Variants in WWOX observed in about 807,000 individuals in gnomAD.
The protein encoded by WWOX is WW domain-containing oxidoreductase.
In WWOX, 69 loss-of-function variants were observed where a neutral mutation model predicts 46.2. That is an observed-to-expected ratio of 1.49 (90% CI 1.23 to 1.82). WWOX has a LOEUF of 1.82. Among genes scored for constraint, WWOX ranks in the 40% most tolerant of loss-of-function variants. The pLI is 0.00. For synonymous variants in WWOX, 359 were observed against 202.6 expected (o/e 1.77, Z -6.56); for missense variants, 919 against 542.6 (o/e 1.69, Z -6.89).
intron 8 of WWOX, among the ~76,000 whole-genome samples, chr16:79,172,534 C>T (rs1296777974): frequency 2.0e-5 from 3 of 152,110 alleles, no homozygotes; most frequent in African/African-American, 7.2e-5. Flanking sequence ...CACTGAGTGG[C>T]TGCATGAATT....
At chr16:78,143,947 A>G (rs2151710438) in intron 4 of WWOX, among the ~76,000 whole-genome samples, 1 of 152,234 alleles carries the variant, frequency 6.6e-6, no homozygotes, top group East Asian at 1.9e-4. Flanking sequence ...TTTAAAAAAA[A>G]ATCAACTTTT....
At chr16:78,999,673 T>A (rs959100266) in intron 8 of WWOX, among the ~76,000 whole-genome samples, 1 of 152,076 alleles carries the variant, frequency 6.6e-6, no homozygotes, top group African/African-American at 2.4e-5. Context: ...GAGTGATTGG[T>A]GATAAAAATG....
intron 8 of WWOX, among the ~76,000 whole-genome samples, chr16:78,488,022 G>A (rs1274207102): frequency 6.6e-6 from 1 of 152,152 alleles, no homozygotes; most frequent in Non-Finnish European, 1.5e-5. Context: ...TCTAAAATAA[G>A]TGGAACTGGG....
At chr16:79,130,498 C>G (rs953115712) in intron 8 of WWOX, among the ~76,000 whole-genome samples, 2 of 152,146 alleles carry the variant, frequency 1.3e-5, no homozygotes, top group African/African-American at 4.8e-5. Flanking sequence ...GTCCTTTGAG[C>G]TGAGTCTTGA....
intron 5 of WWOX, among the ~76,000 whole-genome samples, chr16:78,279,919 G>T (rs1385860083): frequency 6.6e-6 from 1 of 152,218 alleles, no homozygotes; most frequent in Non-Finnish European, 1.5e-5. Context: ...AAAGGGAGGA[G>T]AAATTTAATC....
At chr16:78,725,200 G>T (rs933038524) in intron 8 of WWOX, among the ~76,000 whole-genome samples, 1 of 152,074 alleles carries the variant, frequency 6.6e-6, no homozygotes, top group Non-Finnish European at 1.5e-5. Context: ...CTACTGCCAT[G>T]TATGATGTGC....
At chr16:78,122,229 G>A (rs545078142) in intron 4 of WWOX, among the ~76,000 whole-genome samples, 6 of 152,136 alleles carry the variant, frequency 3.9e-5, no homozygotes, top group Non-Finnish European at 8.8e-5. Flanking sequence ...GTCTTGGAAC[G>A]CATCTCCCGA....
At chr16:78,615,895 C>T (rs568746327) in intron 8 of WWOX, among the ~76,000 whole-genome samples, 73 of 151,988 alleles carry the variant, frequency 4.8e-4, no homozygotes, top group Middle Eastern at 3.4e-3. Context: ...GGACTACAGG[C>T]GCCCGCCACC....
At chr16:78,476,512 G>A (rs1264721895) in intron 8 of WWOX, among the ~76,000 whole-genome samples, 1 of 152,024 alleles carries the variant, frequency 6.6e-6, no homozygotes, top group African/African-American at 2.4e-5. Flanking sequence ...TGTAAATGAC[G>A]AGTTAATGGG....
At position 78,851,441 on chromosome 16, in the gene WWOX, G is replaced by T. The variant is rs185949087; in HGVS notation, c.1057-360167G>T. ...AGTGACATTGTAAGTTATTTAATTG[G>T]CAAATGATTAAAGCAAAGGTCATTG... is the stretch of plus-strand genomic sequence containing the variant. On this transcript the variant is annotated intron_variant, in intron 8 of 8. Transcript: ENST00000566780. 4.2e-3 allele frequency among the ~76,000 whole-genome samples: 641 copies of T among 152,300 alleles called. 1 individual carries two copies. The highest frequency in any genetic ancestry group is 5.2e-3 in the Non-Finnish European group (351 of 68,024).
chr16:78,575,595 G>A (rs948059449), intron 8 of WWOX, among the ~76,000 whole-genome samples: 3 of 152,086 alleles, frequency 2.0e-5, no homozygotes, highest in Non-Finnish European at 2.9e-5. Context: ...CTCTTAAGTC[G>A]TGCATTTGAC....
chr16:78,992,994 A>G (rs760259020), intron 8 of WWOX, among the ~76,000 whole-genome samples: 16 of 152,092 alleles, frequency 1.1e-4, no homozygotes, highest in African/African-American at 9.6e-5. Flanking sequence ...TCTCTTTCCA[A>G]TGAGGAAAAC....
chr16:78,821,544 C>T (rs1219999266), intron 8 of WWOX, among the ~76,000 whole-genome samples: 1 of 152,210 alleles, frequency 6.6e-6, no homozygotes, highest in Non-Finnish European at 1.5e-5. Context: ...AGGAAGTTCA[C>T]CCATTCCCAA....
At chr16:78,555,789 A>G (rs1198966024) in intron 8 of WWOX, among the ~76,000 whole-genome samples, 3 of 152,160 alleles carry the variant, frequency 2.0e-5, no homozygotes, top group Non-Finnish European at 4.4e-5. Context: ...GACTTTGCCC[A>G]CAAATGCCAG....
intron 8 of WWOX, among the ~76,000 whole-genome samples, chr16:78,584,402 G>T (rs372892190): frequency 1.3e-5 from 2 of 152,154 alleles, no homozygotes; most frequent in Non-Finnish European, 2.9e-5. Context: ...TTGGGATTTC[G>T]CAACACGTCG....
intron 8 of WWOX, among the ~76,000 whole-genome samples, chr16:79,001,949 T>C (rs1666616543): frequency 6.6e-6 from 1 of 152,092 alleles, no homozygotes; most frequent in African/African-American, 2.4e-5. Context: ...GAAAAAAAGA[T>C]GTAAGCTTTT....
chr16:79,179,619 C>T (rs1208304197), intron 8 of WWOX, among the ~76,000 whole-genome samples: 2 of 152,152 alleles, frequency 1.3e-5, no homozygotes, highest in Admixed American at 6.5e-5. Flanking sequence ...CTTGAGTGAC[C>T]ATGTGGAGCA....
intron 8 of WWOX, among the ~76,000 whole-genome samples, chr16:79,030,782 T>G (rs868108979): frequency 1.3e-5 from 2 of 152,202 alleles, no homozygotes; most frequent in Middle Eastern, 3.4e-3. Flanking sequence ...CAGACTGATA[T>G]TCTGAAGAAT....
intron 8 of WWOX, among the ~76,000 whole-genome samples, chr16:78,883,828 C>T (rs1176892866): frequency 1.3e-5 from 2 of 152,074 alleles, no homozygotes; most frequent in East Asian, 1.9e-4. Flanking sequence ...ACTCTGTGTA[C>T]TCTGTTTGTA....
Sources: allele counts gnomAD v4.1 joint callset (sites outside exome capture counted in the v4.1 genomes callset), GRCh38; gene constraint gnomAD v4.1.1; transcripts MANE v1.5; gene names NCBI Gene and HGNC (gene_info 2026-07-23, HGNC 2026-07-21).